The following EPOR variants were observed in gnomAD, a reference collection of about 807,000 sequenced individuals.
The protein encoded by EPOR is erythropoietin receptor.
A neutral mutation model predicts 34.3 loss-of-function variants in EPOR; 20 were observed. That is an observed-to-expected ratio of 0.58 (90% confidence interval 0.41 to 0.85). The LOEUF (loss-of-function observed/expected upper bound fraction) is 0.85. EPOR is among the 40% of genes least tolerant of loss of function. EPOR has a pLI of 0.00. For missense variants in EPOR, 601 were observed against 672.7 expected (o/e 0.89, Z 1.18); for synonymous variants, 312 against 299.0 (o/e 1.04, Z -0.45).
In EPOR at chr19:11,381,013, T is replaced by A; in HGVS notation, c.740-42A>T. On this transcript the variant is annotated intron_variant, in intron 5 of 7. Transcript: ENST00000222139. The surrounding 1 kb of genome is among the most constrained non-coding windows in gnomAD (Gnocchi z 5.3). ...AGGTCAGGGCGGTGGGCTTGCCCCG[T>A]GATTCGCCCTGGCTCCTCCTACACC... The A allele has an allele frequency of 6.4e-7, 1 of 1,567,444 alleles. No individual in the cohort carries two copies. Among genetic ancestry groups the A allele is most frequent in the East Asian group, 2.4e-5 (1 of 42,204 alleles).
rs1435818087 is a variant in EPOR, at chr19:11,381,041, C to G, written c.739+15G>C. 5.0e-6 allele frequency: 8 copies of G among 1,593,830 alleles called. No homozygotes were observed. Among genetic ancestry groups the G allele is most frequent in the Non-Finnish European group, 6.8e-6 (8 of 1,169,992 alleles). On this transcript the variant is annotated intron_variant, in intron 5 of 7. Coordinates refer to ENST00000222139, the MANE Select transcript of EPOR (RefSeq NM_000121.4). The surrounding 1 kb of genome is among the most constrained non-coding windows in gnomAD (Gnocchi z 5.3). ...TTCGCCCTGGCTCCTCCTACACCCC[C>G]GCCTGGGGCCTCACCGCTAGGCGTC...
At position 11,378,796 on chromosome 19, in the gene EPOR, A is replaced by T. The variant is rs373802520; in HGVS notation, c.828-18T>A. On this transcript the variant is annotated intron_variant, in intron 6 of 7. Coordinates refer to ENST00000222139, the MANE Select transcript of EPOR (RefSeq NM_000121.4). This position sits in a 1 kb window ranked among gnomAD's most constrained non-coding sequence, Gnocchi z 5.3. Reference sequence around the variant, plus strand: ...TCAGAGCCCTGTTGAAGCCAATATAAATAGTTACATAGATATGACTCATTG... The same window carrying T: ...TCAGAGCCCTGTTGAAGCCAATATATATAGTTACATAGATATGACTCATTG... 68 of 1,612,402 alleles carry T rather than the reference A, an allele frequency of 4.2e-5. No individual in the cohort carries two copies. The highest frequency in any genetic ancestry group is 5.6e-5 in the Non-Finnish European group (66 of 1,178,836).
chr19:11,383,628 C>A lies in EPOR; in HGVS notation c.116-396G>T, dbSNP rs975287562. On this transcript the variant is annotated intron_variant, in intron 1 of 7. Coordinates refer to ENST00000222139, the MANE Select transcript of EPOR (RefSeq NM_000121.4). This position sits in a 1 kb window ranked among gnomAD's most constrained non-coding sequence, Gnocchi z 4.9. ...CCGCCAACCGATAGCGCCAACCGTGCCCCCCGCCTCCCTCCCTCCACCGGG... is the reference window on the plus strand; with the variant it reads ...CCGCCAACCGATAGCGCCAACCGTGACCCCCGCCTCCCTCCCTCCACCGGG... The A allele has an allele frequency of 8.3e-6, 2 of 241,600 alleles. No individual in the cohort carries two copies. The highest frequency in any genetic ancestry group is 1.6e-5 in the Non-Finnish European group (2 of 122,946). The allele number at this position is 241,600 out of a possible 1,614,324, so 15.0% of individuals were successfully genotyped here.
At position 11,384,298 on chromosome 19, in the gene EPOR, G is replaced by T; in HGVS notation, c.-91C>A. The stretch of plus-strand genomic sequence containing the variant: ...CACAGCTGGGTCAGCAGCTGCCTCC[G>T]CCGGACGCAGCTGACCAGGCCCTTC... On this transcript the variant is annotated 5_prime_UTR_variant, in exon 1 of 8. Transcript: ENST00000222139. 1 of 853,126 alleles carries T rather than the reference G, an allele frequency of 1.2e-6. No homozygotes were observed. The highest frequency in any genetic ancestry group is 1.9e-6 in the Non-Finnish European group (1 of 525,132). The allele number at this position is 853,126 out of a possible 1,614,324, so 52.8% of individuals were successfully genotyped here. A position where few individuals can be genotyped will look rare whatever the true frequency, so the allele number is the denominator to read the frequency against.
In EPOR at chr19:11,377,670, A is replaced by G. The variant is rs1045852426; in HGVS notation, c.*314T>C. 3 of 543,206 alleles carry G rather than the reference A, an allele frequency of 5.5e-6. No homozygotes were observed. In the African/African-American group the frequency reaches 5.6e-5, roughly 10 times the overall value. The allele number at this position is 543,206 out of a possible 1,614,324, so 33.6% of individuals were successfully genotyped here. ...TTCAGATTGCAGATCCAGCTTCTGA[A>G]TAAGCTCAAGAACTTTAACTTCTAT... is the stretch of plus-strand genomic sequence containing the variant. On this transcript the variant is annotated 3_prime_UTR_variant, in exon 8 of 8. Transcript: ENST00000222139.
rs1968304963 is a variant in EPOR at position 11,378,031 on chromosome 19, TAA to T, written c.1478_1479del (p.Leu493HisfsTer5). 6.2e-7 allele frequency: 1 copy of T among 1,614,132 alleles called. No homozygotes were observed. The highest frequency in any genetic ancestry group is 1.3e-5 in the African/African-American group (1 of 75,028). On this transcript the variant is annotated frameshift_variant, in exon 8 of 8. Transcript: ENST00000222139. LOFTEE classifies it high-confidence loss of function. The surrounding 1 kb of genome is among the most constrained non-coding windows in gnomAD (Gnocchi z 5.3). ...GGGGGCAGAGGCTCAGCGGCTGGGATAAGGCTGTTCTCATAAGGGTTGGAGTA... is the reference window on the plus strand; with the variant it reads ...GGGGGCAGAGGCTCAGCGGCTGGGATGGCTGTTCTCATAAGGGTTGGAGTA... ...GPYSNPYENSLIPAAEPLPPS... is the reference protein window; with the variant it reads ...GPYSNPYENSXIPAAEPLPPS...
In EPOR at chr19:11,378,085, C is replaced by G. The variant is rs1968306426; in HGVS notation, c.1426G>C (p.Ala476Pro). Residue 476 changes from alanine to proline, a missense_variant, in exon 8 of 8, where the codon GCC becomes CCC. Ala to Pro is a conservative substitution (Grantham distance 27). Transcript: ENST00000222139. This position sits in a 1 kb window ranked among gnomAD's most constrained non-coding sequence, Gnocchi z 5.3. ...TDYSSGDSQG[A>P]QGGLSDGPYS... is the part of the protein sequence containing the mutation. Reference sequence around the variant, plus strand: ...GGGCCATCGGATAAGCCCCCTTGGGCTCCCTGGGAGTCCCCTGAGCTGTAG... The same window carrying G: ...GGGCCATCGGATAAGCCCCCTTGGGGTCCCTGGGAGTCCCCTGAGCTGTAG... 1.4e-5 allele frequency: 22 copies of G among 1,613,808 alleles called. No individual in the cohort carries two copies. Among genetic ancestry groups the G allele is most frequent in the Non-Finnish European group, 1.8e-5 (21 of 1,179,850 alleles).
intron 6 of EPOR, among the ~76,000 whole-genome samples, chr19:11,379,073 C>T (rs564492468): frequency 6.6e-6 from 1 of 152,212 alleles, no homozygotes; most frequent in South Asian, 2.1e-4. Context: ...GCACTATAAT[C>T]CCAGTACTTT....
In EPOR at chr19:11,383,976, G is replaced by A; in HGVS notation, c.115+117C>T. On this transcript the variant is annotated intron_variant, in intron 1 of 7. Transcript: ENST00000222139. The surrounding 1 kb of genome is among the most constrained non-coding windows in gnomAD (Gnocchi z 4.9). Reference sequence around the variant, plus strand: ...GGTTCAGATGCCAGCTTGGCCCCCAGGACCCGGTCAGGAAGTCCAGAAACA... The same window carrying A: ...GGTTCAGATGCCAGCTTGGCCCCCAAGACCCGGTCAGGAAGTCCAGAAACA... 1.3e-6 allele frequency: 1 copy of A among 747,054 alleles called. No individual in the cohort carries two copies. Among genetic ancestry groups the A allele is most frequent in the Non-Finnish European group, 2.3e-6 (1 of 430,018 alleles). 46.3% of individuals were successfully genotyped at this position (747,054 alleles called of 1,614,324 possible).
chr19:11,382,492 T>TGGG (rs1968376468), intron 2 of EPOR, among the ~76,000 whole-genome samples: 1 of 151,114 alleles, frequency 6.6e-6, no homozygotes, highest in Admixed American at 6.6e-5. Flanking sequence ...GCCTCCCGAG[T>TGGG]AGCTGGGATC....
At position 11,381,713 on chromosome 19, in the gene EPOR, G is replaced by A. The variant is rs759686842; in HGVS notation, c.564C>T (p.Asn188=). ...IRYEVDVSAG[N]GAGSVQRVEI... ...TCACCCTCTGTACGCTCCCTGCGCC[G>A]TTGCCGGCCGAGACGTCCACCTCGT... Residue 188 remains asparagine (N), a synonymous_variant, in exon 4 of 8, where the codon AAC becomes AAT. Transcript: ENST00000222139. The surrounding 1 kb of genome is among the most constrained non-coding windows in gnomAD (Gnocchi z 5.3). The A allele has an allele frequency of 1.9e-6, 3 of 1,609,812 alleles. No individual in the cohort carries two copies. Among genetic ancestry groups the A allele is most frequent in the Non-Finnish European group, 2.5e-6 (3 of 1,178,490 alleles).
rs774430628 is a variant in EPOR at position 11,381,712 on chromosome 19, C to A, written c.565G>T (p.Gly189Cys). 2.5e-6 allele frequency: 4 copies of A among 1,609,692 alleles called. No homozygotes were observed. Among genetic ancestry groups the A allele is most frequent in the Middle Eastern group, 1.7e-4 (1 of 5,946 alleles). Reference protein sequence around the residue: ...RYEVDVSAGNGAGSVQRVEIL... With the variant: ...RYEVDVSAGNCAGSVQRVEIL... ...CTCACCCTCTGTACGCTCCCTGCGC[C>A]GTTGCCGGCCGAGACGTCCACCTCG... The change falls in exon 4 of 8, where the codon GGC becomes TGC. Residue 189 changes from glycine (G) to cysteine (C), a missense_variant. Transcript: ENST00000222139. The surrounding 1 kb of genome is among the most constrained non-coding windows in gnomAD (Gnocchi z 5.3).
Position 11,383,154 on chromosome 19 carries a change from T to G in EPOR, c.194A>C (p.Glu65Ala), listed in dbSNP as rs762929792. 10 of 1,613,050 alleles carry G rather than the reference T, an allele frequency of 6.2e-6. No individual in the cohort carries two copies. Among genetic ancestry groups the G allele is most frequent in the Non-Finnish European group, 8.5e-6 (10 of 1,179,902 alleles). Residue 65 changes from glutamate (E) to alanine (A), a missense_variant, in exon 2 of 8, where the codon GAG becomes GCG. Transcript: ENST00000222139. The surrounding 1 kb of genome is among the most constrained non-coding windows in gnomAD (Gnocchi z 4.9). ...GCCCACCCCAGCGCTCGCCGCTTCC[T>G]CCCAGAAACACACCAAGTCCTCCAA... Reference protein sequence around the residue: ...ERLEDLVCFWEEAASAGVGPG... With the variant: ...ERLEDLVCFWAEAASAGVGPG...
intron 2 of EPOR, 156 bp downstream of exon 2, chr19:11,382,941 G>A: frequency 6.5e-7 from 1 of 1,549,124 alleles, no homozygotes; most frequent in Non-Finnish European, 8.7e-7. Context: ...CATAGAGGGC[G>A]TGCCAGCCCT....
chr19:11,384,188 G>A lies in EPOR; in HGVS notation c.20C>T (p.Ser7Phe). ...AAGGGAGCCGACCTGGGGCCAGAGG[G>A]ACGCCCCGAGGTGGTCCATGATACA... MDHLGASLWPQVGSLCL... is the reference protein window; with the variant it reads MDHLGAFLWPQVGSLCL... Residue 7 changes from serine (S) to phenylalanine (F), a missense_variant, in exon 1 of 8, where the codon TCC becomes TTC. Physicochemically the swap from Ser to Phe is radical, Grantham distance 155. Transcript: ENST00000222139. 1 of 1,547,110 alleles carries A rather than the reference G, an allele frequency of 6.5e-7. No homozygotes were observed. The highest frequency in any genetic ancestry group is 8.7e-7 in the Non-Finnish European group (1 of 1,146,418).
Position 11,381,997 on chromosome 19 carries a change from T to C in EPOR, c.360A>G (p.Leu120=), listed in dbSNP as rs1481515487. 6.2e-7 allele frequency: 1 copy of C among 1,614,162 alleles called. No homozygotes were observed. The highest frequency in any genetic ancestry group is 8.5e-7 in the Non-Finnish European group (1 of 1,180,014). Residue 120 remains leucine (L), a synonymous_variant, in exon 3 of 8, where the codon CTA becomes CTG. Transcript: ENST00000222139. This position sits in a 1 kb window ranked among gnomAD's most constrained non-coding sequence, Gnocchi z 5.3. ...PTADTSSFVP[L]ELRVTAASGA... ...CGGAGGCTGCTGTGACGCGCAACTC[T>C]AGGGGCACGAAGCTCGACGTGTCGG...
rs752004469 is a variant in EPOR, at chr19:11,377,246, C to A, written c.*738G>T. 1 of 454,102 alleles carries A rather than the reference C, an allele frequency of 2.2e-6. No individual in the cohort carries two copies. The highest frequency in any genetic ancestry group is 4.4e-6 in the Non-Finnish European group (1 of 226,786). 28.1% of individuals were successfully genotyped at this position (454,102 alleles called of 1,614,324 possible). The stretch of plus-strand genomic sequence containing the variant: ...CTTTTATTATTATTAGTGGCAGAGA[C>A]TAGCTAGTGGCCCTTAAACAGCTTT... On this transcript the variant is annotated 3_prime_UTR_variant, in exon 8 of 8. Transcript: ENST00000222139.
Position 11,378,399 on chromosome 19 carries a change from A to G in EPOR, c.1112T>C (p.Leu371Pro). Residue 371 changes from leucine (L) to proline (P), a missense_variant, in exon 8 of 8, where the codon CTG becomes CCG. Physicochemically the swap from Leu to Pro is moderately conservative, Grantham distance 98. Transcript: ENST00000222139. The surrounding 1 kb of genome is among the most constrained non-coding windows in gnomAD (Gnocchi z 5.3). Reference sequence around the variant, plus strand: ...GTTCCGGGGCAGCAACCATTTGTCCAGCACCAGATAGGTATCCTGGGCATG... The same window carrying G: ...GTTCCGGGGCAGCAACCATTTGTCCGGCACCAGATAGGTATCCTGGGCATG... ...SEHAQDTYLVLDKWLLPRNPP... is the reference protein window; with the variant it reads ...SEHAQDTYLVPDKWLLPRNPP... 6.2e-7 allele frequency: 1 copy of G among 1,613,852 alleles called. No individual in the cohort carries two copies. The highest frequency in any genetic ancestry group is 8.5e-7 in the Non-Finnish European group (1 of 1,180,024).
Position 11,380,864 on chromosome 19 carries a change from C to T in EPOR, c.827+20G>A, listed in dbSNP as rs768035763. 50 of 1,541,582 alleles carry T rather than the reference C, an allele frequency of 3.2e-5. No homozygotes were observed. Among genetic ancestry groups the T allele is most frequent in the Non-Finnish European group, 4.0e-5 (46 of 1,137,986 alleles). ...TTGGCGGGGAGGAGTCTGGGCCCAG[C>T]GCCCAAATGGGGAGCTCACCGGCGG... On this transcript the variant is annotated intron_variant, in intron 6 of 7. Transcript: ENST00000222139.
Sources: gnomAD v4.1 joint callset for allele counts (sites outside exome capture counted in the v4.1 genomes callset) on GRCh38, gnomAD v4.1.1 for gene constraint, Gnocchi (gnomAD v3.1) non-coding constraint, MANE v1.5 for transcripts, NCBI Gene and HGNC (gene_info 2026-07-23, HGNC 2026-07-21) for gene names.